The following TUB variants were observed in gnomAD, a reference collection of about 807,000 sequenced individuals.
TUB encodes tubby protein homolog.
A neutral mutation model predicts 59.7 loss-of-function variants in TUB; 33 were observed. The ratio of observed to expected loss-of-function variants is 0.55; its 90% CI spans 0.42 to 0.74. The LOEUF (loss-of-function observed/expected upper bound fraction) is 0.74, where lower values mean the gene tolerates loss of function less well. Among genes scored for constraint, TUB ranks in the 30% least tolerant of loss-of-function variants. TUB has a pLI of 0.00. For missense variants in TUB, 659 were observed against 672.0 expected (o/e 0.98, Z 0.21); for synonymous variants, 293 against 256.4 (o/e 1.14, Z -1.36).
chr11:8,026,987 T>C (rs887059882), intron 1 of TUB, among the ~76,000 whole-genome samples: 4 of 152,228 alleles, frequency 2.6e-5, no homozygotes, highest in African/African-American at 9.6e-5. Flanking sequence ...TTAACCTCTT[T>C]TGTAAGATGT....
rs778136801 is a variant in TUB at position 8,100,997 on chromosome 11, C to T, written c.1387C>T (p.Pro463Ser). The change falls in exon 11 of 12, where the codon CCG (proline) becomes TCG (serine). Residue 463 changes from proline to serine, a missense_variant and splice_region_variant. Physicochemically the swap from Pro to Ser is moderately conservative, Grantham distance 74. Around this residue, in one of 3 missense-constraint regions of TUB, gnomAD observed 226 missense variants for 210.8 expected, o/e 1.07. Coordinates refer to ENST00000299506, the MANE Select transcript of TUB (RefSeq NM_177972.3). ...KNFQIIHGND[P>S]DYIVMQFGRV... Reference sequence around the variant, plus strand: ...CTTCCAGATCATCCATGGCAATGACCGTGAGTGTTTCTGTCCCTACTCATT... The same window carrying T: ...CTTCCAGATCATCCATGGCAATGACTGTGAGTGTTTCTGTCCCTACTCATT... The T allele has an allele frequency of 1.5e-5, 24 of 1,613,994 alleles. No homozygotes were observed. Among genetic ancestry groups the T allele is most frequent in the East Asian group, 2.2e-5 (1 of 44,888 alleles).
At chr11:8,056,511 C>A (rs2133764317) in intron 2 of TUB, among the ~76,000 whole-genome samples, 1 of 152,032 alleles carries the variant, frequency 6.6e-6, no homozygotes, top group South Asian at 2.1e-4. Flanking sequence ...TTGTGGTGGG[C>A]AGGGTGAGGC....
Position 8,102,724 on chromosome 11 carries a change from A to G in TUB, c.*1105A>G, listed in dbSNP as rs573243879. On this transcript the variant is annotated 3_prime_UTR_variant, in exon 12 of 12. Transcript: ENST00000299506. ...TGAATAAAGCAGGGAATATTTTAGA[A>G]CCACAAGAGATCAGCAGTGGCAGGA... 1 of 152,138 alleles carries G rather than the reference A, an allele frequency of 6.6e-6. No homozygotes were observed. The highest frequency in any genetic ancestry group is 1.9e-4 in the East Asian group (1 of 5,132). The allele number at this position is 152,138 out of a possible 1,614,324, so 9.4% of individuals were successfully genotyped here. A position where few individuals can be genotyped will look rare whatever the true frequency, so the allele number is the denominator to read the frequency against.
intron 2 of TUB, among the ~76,000 whole-genome samples, chr11:8,054,826 C>T (rs1489647027): frequency 6.6e-6 from 1 of 152,210 alleles, no homozygotes; most frequent in African/African-American, 2.4e-5. Flanking sequence ...AGGCACATGG[C>T]ACATCTGGCT....
In TUB at chr11:8,090,196, C is replaced by T. The variant is rs772520757; in HGVS notation, c.218C>T (p.Ser73Phe). The change falls in exon 3 of 12, where the codon TCC (serine) becomes TTC (phenylalanine). Residue 73 changes from serine to phenylalanine, a missense_variant. By Grantham distance (155) the Ser-to-Phe change is radical (BLOSUM62 -2). Transcript: ENST00000299506. ...GAGGAACAAGCCCCCCTGGTGGAGT[C>T]CTACCTCAGCAGCAGTGGCAGCACC... ...QSEEQAPLVESYLSSSGSTSY... is the reference protein window; with the variant it reads ...QSEEQAPLVEFYLSSSGSTSY... 6.2e-7 allele frequency: 1 copy of T among 1,613,660 alleles called. No individual in the cohort carries two copies. The highest frequency in any genetic ancestry group is 1.3e-5 in the African/African-American group (1 of 74,948).
intron 9 of TUB, 61 bp from the exon 10 acceptor site, chr11:8,100,442 C>T (rs895966714): frequency 6.7e-6 from 9 of 1,345,194 alleles, no homozygotes; most frequent in East Asian, 2.3e-5. Flanking sequence ...CCCGTCCCCC[C>T]CACCTTCTCC....
chr11:8,100,699 G>GC, intron 10 of TUB, 98 bp downstream of exon 10: 3 of 1,520,248 alleles, frequency 2.0e-6, no homozygotes, highest in Middle Eastern at 3.4e-4. Flanking sequence ...ATGTGGAGGG[G>GC]TACCATGTGA....
intron 1 of TUB, among the ~76,000 whole-genome samples, chr11:8,023,030 G>A (rs1942452382): frequency 6.6e-6 from 1 of 152,314 alleles, no homozygotes; most frequent in Admixed American, 6.5e-5. Context: ...TTGTGGTCTG[G>A]GCCAGGCTCA....
chr11:8,039,472 G>A (rs1589926445), intron 1 of TUB: 1 of 513,134 alleles, frequency 1.9e-6, no homozygotes, highest in East Asian at 3.3e-5. Context: ...CACAGAGTGA[G>A]CACTCTATGG....
At chr11:8,026,325 A>G (rs1942499899) in intron 1 of TUB, among the ~76,000 whole-genome samples, 1 of 151,720 alleles carries the variant, frequency 6.6e-6, no homozygotes, top group South Asian at 2.1e-4. Flanking sequence ...CAGTTTTTTT[A>G]TAGATTGTTC....
chr11:8,101,900 T>G lies in TUB; in HGVS notation c.*281T>G. 1 of 435,320 alleles carries G rather than the reference T, an allele frequency of 2.3e-6. No individual in the cohort carries two copies. Among genetic ancestry groups the G allele is most frequent in the East Asian group, 4.1e-5 (1 of 24,498 alleles). The allele number at this position is 435,320 out of a possible 1,614,324, so 27.0% of individuals were successfully genotyped here. Reference sequence around the variant, plus strand: ...CTCCCACCCTTGGGGTAGTAGTGTGTTGTAGTCGTACTTACCAAGCTGAGC... The same window carrying G: ...CTCCCACCCTTGGGGTAGTAGTGTGGTGTAGTCGTACTTACCAAGCTGAGC... On this transcript the variant is annotated 3_prime_UTR_variant, in exon 12 of 12. Transcript: ENST00000299506.
At chr11:8,026,458 T>A (rs899634534) in intron 1 of TUB, among the ~76,000 whole-genome samples, 3 of 118,976 alleles carry the variant, frequency 2.5e-5, no homozygotes, top group African/African-American at 9.3e-5. Context: ...TTTTTGCATA[T>A]GGTATGAGAT....
At chr11:8,019,508 G>A in intron 1 of TUB, 1 of 728,866 alleles carries the variant, frequency 1.4e-6, no homozygotes. Context: ...CCGGGACCCA[G>A]AGCCTCGGGT....
At chr11:8,079,595 G>A (rs959397111), upstream of TUB, among the ~76,000 whole-genome samples, 8 of 152,150 alleles carry the variant, frequency 5.3e-5, no homozygotes, top group African/African-American at 1.7e-4. Context: ...TGTTGTGCCC[G>A]ACAGAGATGG....
intron 2 of TUB, among the ~76,000 whole-genome samples, chr11:8,074,161 A>G (rs1013676881): frequency 1.3e-5 from 2 of 151,404 alleles, no homozygotes; most frequent in Admixed American, 1.3e-4. Context: ...TTCTCTTAAC[A>G]TTGGGGGTGG....
chr11:8,074,233 G>C (rs1465122513), intron 2 of TUB, among the ~76,000 whole-genome samples: 1 of 152,092 alleles, frequency 6.6e-6, no homozygotes, highest in Non-Finnish European at 1.5e-5. Context: ...CTGGAGCTAA[G>C]AGGAGGTTCA....
chr11:8,069,399 C>G (rs1199656372), intron 2 of TUB: 3 of 127,130 alleles, frequency 2.4e-5, no homozygotes, highest in African/African-American at 9.9e-5. Flanking sequence ...TGTATTCTTT[C>G]GGGGGGGGGG....
chr11:8,065,201 G>A (rs549338550), intron 2 of TUB, among the ~76,000 whole-genome samples: 32 of 152,348 alleles, frequency 2.1e-4, no homozygotes, highest in African/African-American at 7.5e-4. Flanking sequence ...AAGTGTGCAT[G>A]TTGCTGGGGT....
intron 2 of TUB, chr11:8,062,192 C>T (rs950383431): frequency 1.3e-5 from 2 of 152,400 alleles, no homozygotes; most frequent in African/African-American, 2.4e-5. Context: ...TGGGGAGGGT[C>T]GCTGTTTGAG....
Sources: allele counts gnomAD v4.1 joint callset (sites outside exome capture counted in the v4.1 genomes callset), GRCh38; gene constraint gnomAD v4.1.1; regional missense constraint gnomAD v4.1.1; transcripts MANE v1.5; gene names NCBI Gene and HGNC (gene_info 2026-07-23, HGNC 2026-07-21).